ATP2C2: variants seen among roughly 807,000 people sequenced by gnomAD.
ATP2C2 encodes ATPase secretory pathway Ca2+ transporting 2, also known as calcium-transporting ATPase type 2C member 2.
A neutral mutation model predicts 110.8 loss-of-function variants in ATP2C2; 171 were observed. That is an observed-to-expected ratio of 1.54 (90% CI 1.36 to 1.75). The LOEUF (loss-of-function observed/expected upper bound fraction) is 1.75, where lower values mean the gene tolerates loss of function less well. Among genes scored for constraint, ATP2C2 ranks in the 40% most tolerant of loss-of-function variants. ATP2C2 has a pLI of 0.00. For synonymous variants in ATP2C2, 804 were observed against 508.4 expected (o/e 1.58, Z -7.82); for missense variants, 1,963 against 1,235.0 (o/e 1.59, Z -8.84).
intron 17 of ATP2C2, among the ~76,000 whole-genome samples, chr16:84,451,641 C>T (rs1332900247): frequency 6.6e-6 from 1 of 152,112 alleles, no homozygotes. Flanking sequence ...AGTTTGAGAC[C>T]AGCCTGGCCA....
chr16:84,447,340 G>T (rs1909843791), intron 16 of ATP2C2, among the ~76,000 whole-genome samples: 1 of 152,070 alleles, frequency 6.6e-6, no homozygotes, highest in Admixed American at 6.5e-5. Flanking sequence ...CTTTTCCCTT[G>T]CAAGGCAATG....
intron 26 of ATP2C2, 22 bp downstream of exon 26, chr16:84,462,151 G>T (rs186518272): frequency 6.2e-7 from 1 of 1,605,420 alleles, no homozygotes; most frequent in Admixed American, 1.7e-5. Context: ...GGACGGGAAC[G>T]ACAGGTGACC....
At chr16:84,432,220 G>C (rs1421645452) in intron 11 of ATP2C2, among the ~76,000 whole-genome samples, 1 of 152,152 alleles carries the variant, frequency 6.6e-6, no homozygotes, top group Non-Finnish European at 1.5e-5. Context: ...CACCTGAGCA[G>C]TGTACACTGT....
rs1353767830 is a variant in ATP2C2, at chr16:84,460,775, G to A, written c.2455G>A (p.Gly819Arg). The change falls in exon 24 of 27, where the codon GGG becomes AGG. Residue 819 changes from glycine (G) to arginine (R), a missense_variant. By Grantham distance (125) the Gly-to-Arg change is moderately radical (BLOSUM62 -2). Coordinates refer to ENST00000262429, the MANE Select transcript of ATP2C2 (RefSeq NM_014861.4). ...ILMSAAIIISGTLFIFWKEMP... is the reference protein window; with the variant it reads ...ILMSAAIIISRTLFIFWKEMP... The stretch of plus-strand genomic sequence containing the variant: ...CATGTCCGCGGCCATCATCATCAGC[G>A]GGACCCTCTTTATCTTCTGGAAGGA... The A allele has an allele frequency of 1.1e-5, 18 of 1,613,662 alleles. No individual in the cohort carries two copies. The highest frequency in any genetic ancestry group is 2.2e-5 in the East Asian group (1 of 44,862).
In ATP2C2 at chr16:84,460,809, A is replaced by AGGGT. The variant is rs1567467728; in HGVS notation, c.2481+9_2481+12dup. 1.2e-6 allele frequency: 2 copies of AGGGT among 1,609,030 alleles called. No individual in the cohort carries two copies. The highest frequency in any genetic ancestry group is 1.7e-6 in the Non-Finnish European group (2 of 1,176,528). Reference sequence around the variant, plus strand: ...TTTATCTTCTGGAAGGAGGTGAGCGAGGGTCACCCCGGCCTGTTCTCCAAG... The same window carrying AGGGT: ...TTTATCTTCTGGAAGGAGGTGAGCGAGGGTGGGTCACCCCGGCCTGTTCTCCAAG... On this transcript the variant is annotated intron_variant, in intron 24 of 26. Coordinates refer to ENST00000262429, the MANE Select transcript of ATP2C2 (RefSeq NM_014861.4).
chr16:84,440,803 G>C (rs1384754113), intron 13 of ATP2C2, 54 bp from the exon 14 acceptor site: 1 of 1,401,166 alleles, frequency 7.1e-7, no homozygotes, highest in East Asian at 2.3e-5. Flanking sequence ...GGGCCAACTG[G>C]GGGAGCATGT....
chr16:84,406,884 C>G (rs1054936603), intron 3 of ATP2C2, among the ~76,000 whole-genome samples: 4 of 152,286 alleles, frequency 2.6e-5, no homozygotes, highest in Non-Finnish European at 5.9e-5. Context: ...TCTGCTCTGT[C>G]GAAACCCACC....
At chr16:84,384,276 T>C (rs1904293777) in intron 1 of ATP2C2, among the ~76,000 whole-genome samples, 1 of 152,232 alleles carries the variant, frequency 6.6e-6, no homozygotes, top group South Asian at 2.1e-4. Context: ...TCCTGTGGAT[T>C]TTCCTTGTCT....
intron 1 of ATP2C2, among the ~76,000 whole-genome samples, chr16:84,370,391 A>C (rs1909882757): frequency 6.6e-6 from 1 of 152,246 alleles, no homozygotes; most frequent in African/African-American, 2.4e-5. Flanking sequence ...ACCAAAGGCC[A>C]GCTGAGAAAG....
chr16:84,391,464 T>C (rs1567690742), intron 1 of ATP2C2, among the ~76,000 whole-genome samples: 1 of 152,228 alleles, frequency 6.6e-6, no homozygotes, highest in Non-Finnish European at 1.5e-5. Flanking sequence ...ATAGGGTCTT[T>C]ATCCATGCAG....
Position 84,448,542 on chromosome 16 carries a change from G to T in ATP2C2, c.1513G>T (p.Asp505Tyr). Residue 505 changes from aspartate to tyrosine, a missense_variant, in exon 17 of 27, where the codon GAC (aspartate) becomes TAC (tyrosine). Asp to Tyr is a radical substitution (Grantham distance 160). Coordinates refer to ENST00000262429, the MANE Select transcript of ATP2C2 (RefSeq NM_014861.4). ...CTTTGTCTTTTCTAAGGATCAGGAA[G>T]ACATTTACTTCATGAAAGGGGCCTT... ...KCSLKTEDQE[D>Y]IYFMKGALEE... is the part of the protein sequence containing the mutation. 1 of 1,611,740 alleles carries T rather than the reference G, an allele frequency of 6.2e-7. No individual in the cohort carries two copies. The highest frequency in any genetic ancestry group is 1.7e-4 in the Middle Eastern group (1 of 6,052).
intron 18 of ATP2C2, 123 bp downstream of exon 18, chr16:84,452,214 C>A: frequency 1.7e-6 from 2 of 1,196,760 alleles, no homozygotes; most frequent in African/African-American, 1.5e-5. Context: ...GCCCTACAGG[C>A]TTAGAAAAGA....
Position 84,388,123 on chromosome 16 carries a change from G to C in ATP2C2, c.100-10376G>C, listed in dbSNP as rs187226247. ...GAGGTGGGTAGATCACCTGAGGTCA[G>C]GAGACCAGCCTGGCCAAATGGTGAA... On this transcript the variant is annotated intron_variant, in intron 1 of 26. Transcript: ENST00000262429. 1.4e-3 allele frequency among the ~76,000 whole-genome samples: 220 copies of C among 152,138 alleles called. 2 individuals carry two copies. The highest frequency in any genetic ancestry group is 5.0e-3 in the African/African-American group (208 of 41,518).
chr16:84,458,691 C>A (rs1168035551), intron 21 of ATP2C2, among the ~76,000 whole-genome samples: 4 of 152,218 alleles, frequency 2.6e-5, no homozygotes, highest in Non-Finnish European at 4.4e-5. Flanking sequence ...TGTCCTTCAG[C>A]CTCCCCATCC....
intron 1 of ATP2C2, among the ~76,000 whole-genome samples, chr16:84,380,674 G>C (rs984209655): frequency 6.6e-6 from 1 of 152,138 alleles, no homozygotes; most frequent in Non-Finnish European, 1.5e-5. Context: ...GCAAATTCTA[G>C]TTCTGCCACT....
intron 1 of ATP2C2, among the ~76,000 whole-genome samples, chr16:84,384,509 C>T (rs1389006579): frequency 1.3e-5 from 2 of 152,182 alleles, no homozygotes; most frequent in African/African-American, 4.8e-5. Flanking sequence ...GTAACTTTTG[C>T]CCCTTGGTTA....
chr16:84,384,743 C>G (rs1904298486), intron 1 of ATP2C2, among the ~76,000 whole-genome samples: 1 of 152,180 alleles, frequency 6.6e-6, no homozygotes, highest in African/African-American at 2.4e-5. Context: ...AGTCCCTTCT[C>G]ACACTGCTAT....
intron 11 of ATP2C2, among the ~76,000 whole-genome samples, chr16:84,433,288 C>T (rs913850276): frequency 6.6e-6 from 1 of 151,946 alleles, no homozygotes; most frequent in African/African-American, 2.4e-5. Flanking sequence ...GAGGCTGAGG[C>T]GGGAGGATTG....
At chr16:84,462,313 G>A (rs773513309) in intron 26 of ATP2C2, 184 bp downstream of exon 26, 44 of 749,584 alleles carry the variant, frequency 5.9e-5, no homozygotes, top group African/African-American at 4.7e-4. Context: ...GTGATGTGAC[G>A]GATGCACAGA....
Sources: allele counts gnomAD v4.1 joint callset (sites outside exome capture counted in the v4.1 genomes callset), GRCh38; gene constraint gnomAD v4.1.1; transcripts MANE v1.5; gene names NCBI Gene and HGNC (gene_info 2026-07-23, HGNC 2026-07-21).